The following CDKN2B-AS1 variants were observed in gnomAD, a reference collection of about 807,000 sequenced individuals.
The protein encoded by CDKN2B-AS1 is CDKN2B and CDKN2A antisense cis and trans regulatory RNA 1.
chr9:22,034,875 C>T (rs1170165849), intron 1 of CDKN2B-AS1, among the ~76,000 whole-genome samples: 1 of 152,114 alleles, frequency 6.6e-6, no homozygotes, highest in East Asian at 1.9e-4. Context: ...ACATAAGGGT[C>T]ATAATTTGCT....
rs1824351480 is a variant in CDKN2B-AS1, at chr9:22,072,849, GA to G, written n.438+16465del. Among the ~76,000 whole-genome samples, 4 of 152,180 alleles carry G rather than the reference GA, an allele frequency of 2.6e-5. No homozygotes were observed. The South Asian group carries it at 8.3e-4, about 31-fold the overall frequency. Reference sequence around the variant, plus strand: ...ACTGTCTTAACTTTGTGTCTTTGGGGAAATATTTAAGCTCTCCAGACTTCTA... The same window carrying G: ...ACTGTCTTAACTTTGTGTCTTTGGGGAATATTTAAGCTCTCCAGACTTCTA... On this transcript the variant is annotated intron_variant and non_coding_transcript_variant, in intron 4 of 4. Transcript: ENST00000650946.
intron 3 of CDKN2B-AS1, among the ~76,000 whole-genome samples, chr9:22,053,562 T>G (rs922274658): frequency 6.6e-6 from 1 of 152,196 alleles, no homozygotes; most frequent in Non-Finnish European, 1.5e-5. Flanking sequence ...GATAACTTGT[T>G]TTTCTCTCTC....
Position 22,078,161 on chromosome 9 carries a change from A to G in CDKN2B-AS1, n.438+21774A>G, listed in dbSNP as rs146957121. ...TTGAACTGATTGTACTTACGATATG[A>G]CTTGACTAGCATAAGATAGAATAGG... On this transcript the variant is annotated intron_variant and non_coding_transcript_variant, in intron 4 of 4. Coordinates refer to ENST00000650946, the Ensembl canonical transcript of CDKN2B-AS1. Among the ~76,000 whole-genome samples, 360 of 152,250 alleles carry G rather than the reference A, an allele frequency of 2.4e-3. 14 individuals are homozygous for G. In the East Asian group the frequency reaches 0.064, roughly 27 times the overall value.
At chr9:22,034,348 A>C (rs1480027710) in intron 1 of CDKN2B-AS1, among the ~76,000 whole-genome samples, 3 of 152,110 alleles carry the variant, frequency 2.0e-5, no homozygotes, top group Non-Finnish European at 4.4e-5. Flanking sequence ...AGTTTTGTGA[A>C]GCTATAGCAC....
chr9:22,113,462 A>T (rs1222031979), intron 4 of CDKN2B-AS1, among the ~76,000 whole-genome samples: 1 of 152,214 alleles, frequency 6.6e-6, no homozygotes, highest in African/African-American at 2.4e-5. Context: ...CTTAAAGGTC[A>T]ACTATGCTAT....
intron 3 of CDKN2B-AS1, among the ~76,000 whole-genome samples, chr9:22,055,313 T>C (rs1823515148): frequency 6.6e-6 from 1 of 152,348 alleles, no homozygotes; most frequent in Non-Finnish European, 1.5e-5. Context: ...TTTTTAATAT[T>C]CTGCTGTTTG....
intron 1 of CDKN2B-AS1, among the ~76,000 whole-genome samples, chr9:22,013,580 T>G (rs1821608083): frequency 1.3e-5 from 2 of 152,012 alleles, no homozygotes; most frequent in African/African-American, 4.8e-5. Context: ...TCCTCCAGAG[T>G]AGATGGGACT....
intron 4 of CDKN2B-AS1, among the ~76,000 whole-genome samples, chr9:22,063,642 A>G (rs146404403): frequency 3.1e-4 from 47 of 152,330 alleles, no homozygotes; most frequent in East Asian, 2.5e-3. Flanking sequence ...TGAGAAAGAC[A>G]TGAAGGGATT....
At chr9:22,077,498 A>T (rs1481933705) in intron 4 of CDKN2B-AS1, among the ~76,000 whole-genome samples, 1 of 152,236 alleles carries the variant, frequency 6.6e-6, no homozygotes, top group East Asian at 1.9e-4. Context: ...ATATCAGTTT[A>T]TCAGTTTAAT....
chr9:22,002,657 G>T (rs1325239077), intron 1 of CDKN2B-AS1, among the ~76,000 whole-genome samples: 1 of 151,972 alleles, frequency 6.6e-6, no homozygotes, highest in Non-Finnish European at 1.5e-5. Flanking sequence ...TATTGTGCTT[G>T]CCATATTAGG....
chr9:22,105,764 G>A (rs1176304759), intron 4 of CDKN2B-AS1, among the ~76,000 whole-genome samples: 1 of 152,222 alleles, frequency 6.6e-6, no homozygotes, highest in African/African-American at 2.4e-5. Flanking sequence ...AAATACTGTT[G>A]TGGCAATTTT....
At chr9:22,067,874 A>C (rs886832430) in intron 4 of CDKN2B-AS1, among the ~76,000 whole-genome samples, 1 of 152,214 alleles carries the variant, frequency 6.6e-6, no homozygotes, top group Non-Finnish European at 1.5e-5. Context: ...ATGAAATTGT[A>C]AAAGCTTTCC....
chr9:22,032,049 G>A (rs1822496490), intron 1 of CDKN2B-AS1, among the ~76,000 whole-genome samples: 1 of 152,242 alleles, frequency 6.6e-6, no homozygotes, highest in Admixed American at 6.5e-5. Context: ...GATTTCAGAT[G>A]AGGCCCCCAG....
At chr9:22,101,767 G>A (rs1158591676) in intron 4 of CDKN2B-AS1, among the ~76,000 whole-genome samples, 1 of 151,394 alleles carries the variant, frequency 6.6e-6, no homozygotes, top group Admixed American at 6.6e-5. Context: ...TAAGAAGAGA[G>A]GCCTAGAAGC....
At chr9:22,092,109 T>C (rs1051621243) in intron 4 of CDKN2B-AS1, among the ~76,000 whole-genome samples, 1 of 152,222 alleles carries the variant, frequency 6.6e-6, no homozygotes, top group Non-Finnish European at 1.5e-5. Context: ...GTTCTGTTTA[T>C]ATGCTGGATT....
rs16935753 is a variant in CDKN2B-AS1 at position 22,012,230 on chromosome 9, G to A, written n.29+17069G>A. 0.012 allele frequency: 17,275 copies of A among 1,413,310 alleles called. 611 individuals carry two copies. The African/African-American group carries it at 0.12, about 10-fold the overall frequency. The allele number at this position is 1,413,310 out of a possible 1,614,324, so 87.5% of individuals were successfully genotyped here. On this transcript the variant is annotated intron_variant and non_coding_transcript_variant, in intron 1 of 4. Transcript: ENST00000650946. Reference sequence around the variant, plus strand: ...CGAGCCCAGTGACACCATTGAGAATGTCAGTGCGAAAATTCAAGACAAGGA... The same window carrying A: ...CGAGCCCAGTGACACCATTGAGAATATCAGTGCGAAAATTCAAGACAAGGA...
intron 4 of CDKN2B-AS1, among the ~76,000 whole-genome samples, chr9:22,083,937 C>T (rs905286788): frequency 6.6e-6 from 1 of 152,174 alleles, no homozygotes; most frequent in African/African-American, 2.4e-5. Flanking sequence ...CTCAAAACTT[C>T]AGTTTTCCCT....
intron 1 of CDKN2B-AS1, among the ~76,000 whole-genome samples, chr9:22,037,632 C>A (rs972594358): frequency 2.0e-5 from 3 of 152,030 alleles, no homozygotes; most frequent in African/African-American, 7.2e-5. Context: ...CATGACACTT[C>A]AAGACATTTT....
At chr9:22,119,904 G>A (rs1826055323) in intron 4 of CDKN2B-AS1, 2 of 152,172 alleles carry the variant, frequency 1.3e-5, no homozygotes, top group Non-Finnish European at 2.9e-5. Context: ...CCCAAACCCA[G>A]TGGCTGTCAA....
Sources: allele counts gnomAD v4.1 joint callset (sites outside exome capture counted in the v4.1 genomes callset), GRCh38; gene constraint gnomAD v4.1.1; transcripts MANE v1.5; gene names NCBI Gene and HGNC (gene_info 2026-07-23, HGNC 2026-07-21).